The following TREX2 variants were observed in gnomAD, a reference collection of about 807,000 sequenced individuals.
TREX2 encodes 3'-5' exonuclease TREX2 long form.
For synonymous variants in TREX2, 121 were observed against 112.1 expected (o/e 1.08, Z -0.50); for missense variants, 242 against 235.3 (o/e 1.03, Z -0.19).
Position 153,445,072 on chromosome X carries a change from A to G in TREX2, c.359T>C (p.Phe120Ser). 8.5e-7 allele frequency: 1 copy of G among 1,176,635 alleles called. No homozygotes were observed. ...ACACAGCAGGGGGAAATCATAATCA[A>G]AGCCATTGTGGGCCACAAGGCAGAT... Reference protein sequence around the residue: ...GPICLVAHNGFDYDFPLLCAE... With the variant: ...GPICLVAHNGSDYDFPLLCAE... Residue 120 changes from phenylalanine to serine, a missense_variant, in exon 2 of 2, where the codon TTT (phenylalanine) becomes TCT (serine). Transcript: ENST00000370231.
chrX:153,445,174 G>A lies in TREX2; in HGVS notation c.257C>T (p.Ala86Val), dbSNP rs375118078. 3.9e-5 allele frequency: 47 copies of A among 1,208,399 alleles called. No individual in the cohort carries two copies. Among genetic ancestry groups the A allele is most frequent in the East Asian group, 3.0e-4 (10 of 33,664 alleles). ...EITGLSSEGL[A>V]RCRKAGFDGA... The stretch of plus-strand genomic sequence containing the variant: ...ATCAAAGCCAGCCTTCCGGCATCGC[G>A]CCAGGCCCTCACTGCTCAGGCCGGT... The change falls in exon 2 of 2, where the codon GCG becomes GTG. Residue 86 changes from alanine (A) to valine (V), a missense_variant. Physicochemically the swap from Ala to Val is moderately conservative, Grantham distance 64 (BLOSUM62 0). Transcript: ENST00000370231.
At chrX:153,445,663 C>T (rs2089154113) in intron 1 of TREX2, 168 bp from the exon 2 acceptor site, 3 of 509,043 alleles carry the variant, frequency 5.9e-6, no homozygotes, top group Admixed American at 2.7e-5. Context: ...AAAAGGCAGG[C>T]CTCAGAGCGC....
rs182230169 is a variant in TREX2, at chrX:153,445,062, A to G, written c.369T>C (p.Asp123=). The G allele has an allele frequency of 3.6e-5, 42 of 1,169,774 alleles. No individual in the cohort carries two copies. The African/African-American group carries it at 5.6e-4, about 16-fold the overall frequency. ...GCAGCTCGGCACACAGCAGGGGGAA[A>G]TCATAATCAAAGCCATTGTGGGCCA... ...CLVAHNGFDY[D]FPLLCAELRR... is the part of the protein sequence containing the mutation. The change falls in exon 2 of 2, where the codon GAT becomes GAC. Residue 123 remains aspartate (D), a synonymous_variant. Coordinates refer to ENST00000370231, the MANE Select transcript of TREX2 (RefSeq NM_080701.4).
chrX:153,445,285 C>G lies in TREX2; in HGVS notation c.146G>C (p.Gly49Ala). 8.3e-7 allele frequency: 1 copy of G among 1,202,298 alleles called. No individual in the cohort carries two copies. Among genetic ancestry groups the G allele is most frequent in the Non-Finnish European group, 1.1e-6 (1 of 890,232 alleles). The change falls in exon 2 of 2, where the codon GGT becomes GCT. Residue 49 changes from glycine to alanine, a missense_variant. Physicochemically the swap from Gly to Ala is moderately conservative, Grantham distance 60 (BLOSUM62 0). Transcript: ENST00000370231. ...CAGGACCCGGGGCAATACTAGGGCA[C>G]CAGACTCGTCGTGCTCCGGGTTCTC... ...SLENPEHDES[G>A]ALVLPRVLDK... is the part of the protein sequence containing the mutation.
rs373744000 is a variant in TREX2 at position 153,445,464 on chromosome X, A to G, written c.-34T>C. 2.4e-4 allele frequency: 263 copies of G among 1,093,563 alleles called. No homozygotes were observed. Among genetic ancestry groups the G allele is most frequent in the Non-Finnish European group, 3.1e-4 (254 of 828,795 alleles). 90.1% of individuals were successfully genotyped at this position (1,093,563 alleles called of 1,213,427 possible). On this transcript the variant is annotated 5_prime_UTR_variant, in exon 2 of 2. Transcript: ENST00000370231. ...TCCCACGGGGATAGCAAGTCCTCAA[A>G]CTGTCCGAGCGAGAGGCACAAACCC...
In TREX2 at chrX:153,444,973, C is replaced by T; in HGVS notation, c.458G>A (p.Gly153Asp). The change falls in exon 2 of 2, where the codon GGC becomes GAC. Residue 153 changes from glycine to aspartate, a missense_variant. Gly to Asp is a moderately conservative substitution (Grantham distance 94, BLOSUM62 -1). Coordinates refer to ENST00000370231, the MANE Select transcript of TREX2 (RefSeq NM_080701.4). ...GCCGTGGCTGTGGGCGCGGTCCAGG[C>T]CCCGCAGGGCCGGCAGCGTGTCCAG... Reference protein sequence around the residue: ...VCLDTLPALRGLDRAHSHGTR... With the variant: ...VCLDTLPALRDLDRAHSHGTR... 1 of 1,181,351 alleles carries T rather than the reference C, an allele frequency of 8.5e-7. No individual in the cohort carries two copies. The highest frequency in any genetic ancestry group is 1.1e-6 in the Non-Finnish European group (1 of 880,262).
At position 153,445,389 on chromosome X, in the gene TREX2, G is replaced by C; in HGVS notation, c.42C>G (p.Asp14Glu). 8.6e-7 allele frequency: 1 copy of C among 1,164,232 alleles called. No individual in the cohort carries two copies. ...CACTGGGGAGCCCAGTGGCTTCCAG[G>C]TCCAGGAAGACAAAGGTCTCGGCCC... ...APRAETFVFL[D>E]LEATGLPSVE... Residue 14 changes from aspartate (D) to glutamate (E), a missense_variant, in exon 2 of 2, where the codon GAC (aspartate) becomes GAG (glutamate). By Grantham distance (45) the Asp-to-Glu change is conservative. Transcript: ENST00000370231.
Position 153,444,803 on chromosome X carries a change from C to T in TREX2, c.628G>A (p.Ala210Thr), listed in dbSNP as rs201555962. Residue 210 changes from alanine to threonine, a missense_variant, in exon 2 of 2, where the codon GCC becomes ACC. Physicochemically the swap from Ala to Thr is moderately conservative, Grantham distance 58. Coordinates refer to ENST00000370231, the MANE Select transcript of TREX2 (RefSeq NM_080701.4). ...CCACGGGCCTGCTCATCGGCCCAGGCGAGCAGCTCTGCGGCGCGGTGCAGG... is the reference window on the plus strand; with the variant it reads ...CCACGGGCCTGCTCATCGGCCCAGGTGAGCAGCTCTGCGGCGCGGTGCAGG... Reference protein sequence around the residue: ...IFLHRAAELLAWADEQARGWA... With the variant: ...IFLHRAAELLTWADEQARGWA... The T allele has an allele frequency of 4.2e-4, 504 of 1,197,443 alleles. 2 individuals are homozygous for T. In the East Asian group the frequency reaches 0.014, roughly 32 times the overall value.
Position 153,445,481 on chromosome X carries a change from C to A in TREX2, c.-51G>T, listed in dbSNP as rs1556979548. 1.9e-6 allele frequency: 2 copies of A among 1,067,262 alleles called. No homozygotes were observed. The highest frequency in any genetic ancestry group is 6.3e-5 in the Admixed American group (2 of 31,516). 88.0% of individuals were successfully genotyped at this position (1,067,262 alleles called of 1,213,427 possible). A position where few individuals can be genotyped will look rare whatever the true frequency, so the allele number is the denominator to read the frequency against. On this transcript the variant is annotated 5_prime_UTR_variant, in exon 2 of 2. Transcript: ENST00000370231. ...GTCCTCAAACTGTCCGAGCGAGAGG[C>A]ACAAACCCTGAGGACTGGAGAGAGG...
In TREX2 at chrX:153,445,045, G is replaced by T; in HGVS notation, c.386C>A (p.Ala129Asp). The T allele has an allele frequency of 8.6e-7, 1 of 1,163,791 alleles. No homozygotes were observed. The highest frequency in any genetic ancestry group is 2.0e-5 in the South Asian group (1 of 50,345). Residue 129 changes from alanine (A) to aspartate (D), a missense_variant, in exon 2 of 2, where the codon GCC (alanine) becomes GAC (aspartate). By Grantham distance (126) the Ala-to-Asp change is moderately radical. Transcript: ENST00000370231. ...GFDYDFPLLCAELRRLGARLP... is the reference protein window; with the variant it reads ...GFDYDFPLLCDELRRLGARLP... ...GCGGGCACCCAGGCGCCGCAGCTCGGCACACAGCAGGGGGAAATCATAATC... is the reference window on the plus strand; with the variant it reads ...GCGGGCACCCAGGCGCCGCAGCTCGTCACACAGCAGGGGGAAATCATAATC...
Position 153,444,840 on chromosome X carries a change from C to T in TREX2, c.591G>A (p.Leu197=), listed in dbSNP as rs1556979228. The T allele has an allele frequency of 1.1e-5, 13 of 1,202,645 alleles. No individual in the cohort carries two copies. The highest frequency in any genetic ancestry group is 1.5e-5 in the Non-Finnish European group (13 of 891,670). The change falls in exon 2 of 2, where the codon CTG becomes CTA. Residue 197 remains leucine, a synonymous_variant. Transcript: ENST00000370231. ...AHSAEGDVHT[L]LLIFLHRAAE... ...CGGCGCGGTGCAGGAAGATCAGGAG[C>T]AGGGTGTGCACGTCGCCCTCGGCTG...
Position 153,444,813 on chromosome X carries a change from T to G in TREX2, c.618A>C (p.Ala206=). The stretch of plus-strand genomic sequence containing the variant: ...GCTCATCGGCCCAGGCGAGCAGCTC[T>G]GCGGCGCGGTGCAGGAAGATCAGGA... ...TLLLIFLHRA[A]ELLAWADEQA... The change falls in exon 2 of 2, where the codon GCA becomes GCC. Residue 206 remains alanine, a synonymous_variant. Coordinates refer to ENST00000370231, the MANE Select transcript of TREX2 (RefSeq NM_080701.4). 8.3e-7 allele frequency: 1 copy of G among 1,198,229 alleles called. No homozygotes were observed. The highest frequency in any genetic ancestry group is 1.1e-6 in the Non-Finnish European group (1 of 889,559).
At position 153,445,343 on chromosome X, in the gene TREX2, G is replaced by C; in HGVS notation, c.88C>G (p.Leu30Val). 8.3e-7 allele frequency: 1 copy of C among 1,201,820 alleles called. No individual in the cohort carries two copies. Among genetic ancestry groups the C allele is most frequent in the Non-Finnish European group, 1.1e-6 (1 of 890,188 alleles). ...GAGCGGTGGACAGCAAAGAGGGACA[G>C]CTCGGCAATCTCGGGCTCCACACTG... is the stretch of plus-strand genomic sequence containing the variant. ...LPSVEPEIAE[L>V]SLFAVHRSSL... Residue 30 changes from leucine (L) to valine (V), a missense_variant, in exon 2 of 2, where the codon CTG becomes GTG. Physicochemically the swap from Leu to Val is conservative, Grantham distance 32 (BLOSUM62 1). Coordinates refer to ENST00000370231, the MANE Select transcript of TREX2 (RefSeq NM_080701.4).
In TREX2 at chrX:153,444,928, T is replaced by A. The variant is rs1556979269; in HGVS notation, c.503A>T (p.Gln168Leu). Reference protein sequence around the residue: ...HSHGTRARGRQGYSLGSLFHR... With the variant: ...HSHGTRARGRLGYSLGSLFHR... ...GAAGAGGCTGCCGAGGCTGTAACCCTGGCGGCCCCGGGCCCGGGTGCCGTG... is the reference window on the plus strand; with the variant it reads ...GAAGAGGCTGCCGAGGCTGTAACCCAGGCGGCCCCGGGCCCGGGTGCCGTG... Residue 168 changes from glutamine to leucine, a missense_variant, in exon 2 of 2, where the codon CAG becomes CTG. Physicochemically the swap from Gln to Leu is moderately radical, Grantham distance 113. Transcript: ENST00000370231. 1.7e-6 allele frequency: 2 copies of A among 1,195,462 alleles called. No homozygotes were observed. The highest frequency in any genetic ancestry group is 3.0e-5 in the East Asian group (1 of 33,176).
At chrX:153,445,885 C>T (rs781921819) in intron 1 of TREX2, 124 bp downstream of exon 1, 16 of 230,533 alleles carry the variant, frequency 6.9e-5, no homozygotes, top group African/African-American at 1.8e-4. Flanking sequence ...ACCCAGCTCC[C>T]GCTGGGCTCG....
Position 153,444,914 on chromosome X carries a change from C to A in TREX2, c.517G>T (p.Gly173Cys). ...RARGRQGYSL[G>C]SLFHRYFRAE... ...CGGAAGTAGCGGTGGAAGAGGCTGC[C>A]GAGGCTGTAACCCTGGCGGCCCCGG... Residue 173 changes from glycine to cysteine, a missense_variant, in exon 2 of 2, where the codon GGC (glycine) becomes TGC (cysteine). By Grantham distance (159) the Gly-to-Cys change is radical. Transcript: ENST00000370231. 7 of 1,202,201 alleles carry A rather than the reference C, an allele frequency of 5.8e-6. No homozygotes were observed. The highest frequency in any genetic ancestry group is 7.9e-6 in the Non-Finnish European group (7 of 891,267).
Position 153,445,395 on chromosome X carries a change from G to A in TREX2, c.36C>T (p.Phe12=), listed in dbSNP as rs978166624. Reference sequence around the variant, plus strand: ...GGAGCCCAGTGGCTTCCAGGTCCAGGAAGACAAAGGTCTCGGCCCGGGGTG... The same window carrying A: ...GGAGCCCAGTGGCTTCCAGGTCCAGAAAGACAAAGGTCTCGGCCCGGGGTG... ...SEAPRAETFV[F]LDLEATGLPS... The change falls in exon 2 of 2, where the codon TTC becomes TTT. Residue 12 remains phenylalanine, a synonymous_variant. Coordinates refer to ENST00000370231, the MANE Select transcript of TREX2 (RefSeq NM_080701.4). 1.9e-5 allele frequency: 22 copies of A among 1,157,054 alleles called. No individual in the cohort carries two copies. The highest frequency in any genetic ancestry group is 2.4e-5 in the Non-Finnish European group (21 of 869,731).
In TREX2 at chrX:153,444,966, G is replaced by C. The variant is rs1304516979; in HGVS notation, c.465C>G (p.Asp155Glu). 1.7e-6 allele frequency: 2 copies of C among 1,184,121 alleles called. No homozygotes were observed. The highest frequency in any genetic ancestry group is 1.8e-5 in the African/African-American group (1 of 57,090). The change falls in exon 2 of 2, where the codon GAC (aspartate) becomes GAG (glutamate). Residue 155 changes from aspartate (D) to glutamate (E), a missense_variant. Physicochemically the swap from Asp to Glu is conservative, Grantham distance 45 (BLOSUM62 2). Coordinates refer to ENST00000370231, the MANE Select transcript of TREX2 (RefSeq NM_080701.4). Reference protein sequence around the residue: ...LDTLPALRGLDRAHSHGTRAR... With the variant: ...LDTLPALRGLERAHSHGTRAR... ...CCCGGGTGCCGTGGCTGTGGGCGCG[G>C]TCCAGGCCCCGCAGGGCCGGCAGCG...
chrX:153,445,547 C>G, intron 1 of TREX2, 52 bp from the exon 2 acceptor site: 2 of 756,393 alleles, frequency 2.6e-6, no homozygotes, highest in Non-Finnish European at 3.9e-6. Context: ...TCCCCCTAGC[C>G]AAAGCTCTGA....
Sources: allele counts gnomAD v4.1 joint callset, GRCh38; gene constraint gnomAD v4.1.1; transcripts MANE v1.5; gene names NCBI Gene and HGNC (gene_info 2026-07-23, HGNC 2026-07-21).